UCHL5: variants seen among roughly 807,000 people sequenced by gnomAD.
The protein encoded by UCHL5 is ubiquitin carboxyl-terminal hydrolase isozyme L5.
UCHL5 carries 34 observed loss-of-function variants against 53.8 expected under a neutral mutation model. The ratio of observed to expected loss-of-function variants is 0.63; its 90% CI spans 0.48 to 0.84. The LOEUF (loss-of-function observed/expected upper bound fraction) is 0.84. Ranked by LOEUF, UCHL5 falls within the 40% of genes least tolerant of loss-of-function variation. UCHL5 has a pLI of 0.00. For synonymous variants in UCHL5, 111 were observed against 126.3 expected (o/e 0.88, Z 0.81); for missense variants, 290 against 385.6 (o/e 0.75, Z 2.08).
At chr1:193,042,719 A>G (rs1047576028) in intron 3 of UCHL5, among the ~76,000 whole-genome samples, 1 of 152,184 alleles carries the variant, frequency 6.6e-6, no homozygotes, top group Non-Finnish European at 1.5e-5. Flanking sequence ...CCTCTTCTAA[A>G]TGAAAATCTG....
chr1:193,036,445 G>C (rs1663527967), intron 3 of UCHL5, among the ~76,000 whole-genome samples: 2 of 151,180 alleles, frequency 1.3e-5, no homozygotes, highest in Non-Finnish European at 3.0e-5. Flanking sequence ...GGTCAATCTA[G>C]CAAGAGAATA....
intron 3 of UCHL5, among the ~76,000 whole-genome samples, chr1:193,036,306 C>T (rs1273157847): frequency 1.3e-5 from 1 of 74,580 alleles, no homozygotes; most frequent in Non-Finnish European, 2.4e-5. Flanking sequence ...ATATTCTGTG[C>T]AACTGGAAAC....
intron 3 of UCHL5, among the ~76,000 whole-genome samples, chr1:193,031,137 G>A (rs1661220752): frequency 6.6e-6 from 1 of 152,146 alleles, no homozygotes; most frequent in Non-Finnish European, 1.5e-5. Context: ...AATGATTAAA[G>A]AGGACTTTAT....
chr1:193,042,489 A>T (rs181675464), intron 3 of UCHL5, among the ~76,000 whole-genome samples: 35 of 152,330 alleles, frequency 2.3e-4, no homozygotes, highest in Non-Finnish European at 5.0e-4. Flanking sequence ...GGAAAAAAGA[A>T]AAACAGCCAT....
chr1:193,039,418 A>G (rs1664769626), intron 3 of UCHL5, among the ~76,000 whole-genome samples: 1 of 152,172 alleles, frequency 6.6e-6, no homozygotes, highest in African/African-American at 2.4e-5. Context: ...CAAAAAAAAA[A>G]TAATAATCTA....
rs1654848551 is a variant in UCHL5 at position 193,016,049 on chromosome 1, T to C, written c.*302A>G. 3.2e-6 allele frequency: 1 copy of C among 312,088 alleles called. No individual in the cohort carries two copies. The highest frequency in any genetic ancestry group is 5.9e-6 in the Non-Finnish European group (1 of 170,834). The allele number at this position is 312,088 out of a possible 1,614,324, so 19.3% of individuals were successfully genotyped here. ...TAAATTACAGATAAGGAATATCGTT[T>C]GTGCATTTTCTAGCTTCATATGGTA... On this transcript the variant is annotated 3_prime_UTR_variant, in exon 11 of 11. Coordinates refer to ENST00000367454, the MANE Select transcript of UCHL5 (RefSeq NM_001199261.3).
At chr1:193,021,062 A>C in intron 10 of UCHL5, 35 bp downstream of exon 10, 1 of 1,469,950 alleles carries the variant, frequency 6.8e-7, no homozygotes, top group Middle Eastern at 1.9e-4. Flanking sequence ...GGAGACTCTA[A>C]ACTTAATTTA....
intron 3 of UCHL5, among the ~76,000 whole-genome samples, chr1:193,041,290 A>T (rs553191485): frequency 1.7e-3 from 259 of 152,234 alleles, no homozygotes; most frequent in African/African-American, 4.5e-3. Context: ...AATTTTTTTT[A>T]AAAAAAGCAT....
chr1:193,023,062 GCACA>G (rs1459203534), intron 8 of UCHL5, 26 bp from the exon 9 acceptor site: 1 of 1,453,656 alleles, frequency 6.9e-7, no homozygotes, highest in Non-Finnish European at 9.6e-7. Context: ...AAAAGAAATA[GCACA>G]CCCTAATAAT....
intron 3 of UCHL5, among the ~76,000 whole-genome samples, chr1:193,038,755 G>A (rs952489432): frequency 7.9e-5 from 12 of 152,172 alleles, no homozygotes; most frequent in Non-Finnish European, 1.6e-4. Context: ...CAGCACTTTG[G>A]GAGGCTGAGG....
intron 3 of UCHL5, among the ~76,000 whole-genome samples, chr1:193,047,611 G>A (rs1667760952): frequency 6.6e-6 from 1 of 152,136 alleles, no homozygotes; most frequent in African/African-American, 2.4e-5. Context: ...CTTTCTAAAG[G>A]TTAATCAGAC....
chr1:193,017,589 T>C (rs1450565452), intron 10 of UCHL5, among the ~76,000 whole-genome samples: 1 of 151,648 alleles, frequency 6.6e-6, no homozygotes, highest in South Asian at 2.1e-4. Flanking sequence ...TTAGGCATAA[T>C]TTAAAATAAA....
chr1:193,022,420 GA>G (rs1165295134), intron 9 of UCHL5, among the ~76,000 whole-genome samples: 1 of 152,078 alleles, frequency 6.6e-6, no homozygotes, highest in Admixed American at 6.6e-5. Context: ...AGCACTTTGG[GA>G]GGCTGAGACG....
At chr1:193,058,492 T>C (rs1457504835) in intron 1 of UCHL5, among the ~76,000 whole-genome samples, 1 of 152,254 alleles carries the variant, frequency 6.6e-6, no homozygotes, top group East Asian at 1.9e-4. Flanking sequence ...GTGTTGATTA[T>C]TTAGGACGAA....
At chr1:193,038,185 C>T (rs1029766306) in intron 3 of UCHL5, among the ~76,000 whole-genome samples, 6 of 152,042 alleles carry the variant, frequency 3.9e-5, no homozygotes, top group Non-Finnish European at 1.5e-5. Context: ...GGCCGGGCAC[C>T]GTGGCTCACG....
intron 8 of UCHL5, 59 bp from the exon 9 acceptor site, chr1:193,023,095 T>A: frequency 8.0e-7 from 1 of 1,243,358 alleles, no homozygotes; most frequent in Non-Finnish European, 1.2e-6. Flanking sequence ...ACATTCAGAA[T>A]ATTTTAAAAT....
chr1:193,056,586 A>G (rs1670689276), intron 1 of UCHL5, among the ~76,000 whole-genome samples: 1 of 152,190 alleles, frequency 6.6e-6, no homozygotes, highest in Non-Finnish European at 1.5e-5. Context: ...ATACCAATTA[A>G]AAGTACAGTT....
chr1:193,033,173 T>C (rs747483737), intron 3 of UCHL5, among the ~76,000 whole-genome samples: 5 of 152,174 alleles, frequency 3.3e-5, no homozygotes, highest in Non-Finnish European at 7.3e-5. Flanking sequence ...GTGGCACATA[T>C]ACACCATGGA....
At chr1:193,018,935 TTA>T in intron 10 of UCHL5, 8 of 675,250 alleles carry the variant, frequency 1.2e-5, no homozygotes, top group Middle Eastern at 4.3e-4. Flanking sequence ...GGTAAAGATT[TTA>T]TATAATTATA....
Sources: gnomAD v4.1 joint callset for allele counts (sites outside exome capture counted in the v4.1 genomes callset) on GRCh38, gnomAD v4.1.1 for gene constraint, MANE v1.5 for transcripts, NCBI Gene and HGNC (gene_info 2026-07-23, HGNC 2026-07-21) for gene names.